Variants in ADGRL3 observed in about 807,000 individuals in gnomAD.
ADGRL3 encodes calcium-independent alpha-latrotoxin receptor 3.
ADGRL3 carries 62 observed loss-of-function variants against 153.5 expected under a neutral mutation model. The ratio of observed to expected loss-of-function variants is 0.40; its 90% CI spans 0.33 to 0.50. The LOEUF (loss-of-function observed/expected upper bound fraction) is 0.50. ADGRL3 is among the 20% of genes least tolerant of loss of function. The pLI is 0.47. For synonymous variants in ADGRL3, 710 were observed against 672.5 expected, an observed-to-expected ratio of 1.06 and a Z score of -0.86; for missense variants, 1,641 against 1,859.4, an observed-to-expected ratio of 0.88 and a Z score of 2.16.
At chr4:61,454,962 G>T (rs555120359) in intron 2 of ADGRL3, among the ~76,000 whole-genome samples, 1 of 152,204 alleles carries the variant, frequency 6.6e-6, no homozygotes, top group Non-Finnish European at 1.5e-5. Context: ...GGTGTTAACA[G>T]ATTAAAGATG....
chr4:62,045,904 A>G (rs913201589), intron 25 of ADGRL3, among the ~76,000 whole-genome samples: 1 of 151,950 alleles, frequency 6.6e-6, no homozygotes, highest in African/African-American at 2.4e-5. Context: ...AATTTAGACA[A>G]TATCTCTCAA....
intron 5 of ADGRL3, among the ~76,000 whole-genome samples, chr4:61,643,117 G>A (rs1222857237): frequency 6.6e-6 from 1 of 152,152 alleles, no homozygotes; most frequent in Non-Finnish European, 1.5e-5. Flanking sequence ...AAGAATGCTT[G>A]TGATTTTTGT....
intron 8 of ADGRL3, among the ~76,000 whole-genome samples, chr4:61,809,932 A>G (rs1054292957): frequency 2.6e-5 from 4 of 152,104 alleles, no homozygotes; most frequent in Non-Finnish European, 5.9e-5. Context: ...TGTTGTTATA[A>G]TCCTCATTAA....
chr4:61,981,464 T>C (rs946234626), intron 18 of ADGRL3, among the ~76,000 whole-genome samples: 14 of 152,000 alleles, frequency 9.2e-5, no homozygotes, highest in African/African-American at 3.4e-4. Flanking sequence ...ATGTCTTTAA[T>C]TGCCAGCCTT....
intron 8 of ADGRL3, among the ~76,000 whole-genome samples, chr4:61,812,954 T>C (rs2097647713): frequency 6.6e-6 from 1 of 152,326 alleles, no homozygotes; most frequent in South Asian, 2.1e-4. Context: ...GAGGTGAATC[T>C]TAAAGGTAAA....
At position 61,719,520 on chromosome 4, in the gene ADGRL3, A is replaced by G. The variant is rs372116898; in HGVS notation, c.584-11102A>G. ...GATTTTTCTTTCAAGTAAGATAAAC[A>G]CTAGCAAACAGTTTTATGTGTACCA... On this transcript the variant is annotated intron_variant, in intron 6 of 26. Coordinates refer to ENST00000683033, the MANE Select transcript of ADGRL3 (RefSeq NM_001387552.1). Among the ~76,000 whole-genome samples the G allele has an allele frequency of 6.6e-5, 10 of 152,172 alleles. No individual in the cohort carries two copies. In the East Asian group the frequency reaches 1.2e-3, roughly 18 times the overall value.
At chr4:61,244,494 CTT>C (rs1164437291) in intron 1 of ADGRL3, among the ~76,000 whole-genome samples, 1 of 151,880 alleles carries the variant, frequency 6.6e-6, no homozygotes, top group Admixed American at 6.6e-5. Flanking sequence ...GATATGTTCT[CTT>C]ATATGACATG....
At position 61,200,820 on chromosome 4, in the gene ADGRL3, G is replaced by T. The variant is rs930154096; in HGVS notation, c.-1185G>T. 4.0e-5 allele frequency among the ~76,000 whole-genome samples: 6 copies of T among 151,730 alleles called. No homozygotes were observed. The highest frequency in any genetic ancestry group is 2.0e-4 in the Admixed American group (3 of 15,280). ...GCGGCGGCGCAGAGCCCGGGGCCGC[G>T]CGATGAAGCTCCCACATGCCCGCAG... On this transcript the variant is annotated 5_prime_UTR_variant, in exon 1 of 27. Coordinates refer to ENST00000683033, the MANE Select transcript of ADGRL3 (RefSeq NM_001387552.1).
intron 8 of ADGRL3, among the ~76,000 whole-genome samples, chr4:61,734,340 G>A (rs1001449660): frequency 6.6e-6 from 1 of 151,900 alleles, no homozygotes; most frequent in Non-Finnish European, 1.5e-5. Context: ...TTCTCACACT[G>A]CTGTAAAGAT....
At chr4:61,751,808 G>A (rs759823280) in intron 8 of ADGRL3, among the ~76,000 whole-genome samples, 1 of 152,096 alleles carries the variant, frequency 6.6e-6, no homozygotes, top group African/African-American at 2.4e-5. Flanking sequence ...ACACTCTCAT[G>A]CTTATATCTA....
chr4:61,370,793 T>C (rs1048100856), intron 1 of ADGRL3, among the ~76,000 whole-genome samples: 2 of 152,100 alleles, frequency 1.3e-5, no homozygotes. Flanking sequence ...CTTGTTAACT[T>C]TCTGTCTCGT....
At chr4:61,422,070 A>C (rs75756352) in intron 2 of ADGRL3, among the ~76,000 whole-genome samples, 2,720 of 152,268 alleles carry the variant, frequency 0.018, 89 homozygotes, top group African/African-American at 0.062. Context: ...TAAAGGATAT[A>C]CTTAAAAAAT....
intron 5 of ADGRL3, among the ~76,000 whole-genome samples, chr4:61,630,981 A>G (rs1206095191): frequency 6.6e-6 from 1 of 152,242 alleles, no homozygotes; most frequent in African/African-American, 2.4e-5. Flanking sequence ...GATTAAATGA[A>G]TAAAGTAATC....
At chr4:61,555,977 T>C (rs903978694) in intron 4 of ADGRL3, among the ~76,000 whole-genome samples, 1 of 152,132 alleles carries the variant, frequency 6.6e-6, no homozygotes, top group Non-Finnish European at 1.5e-5. Context: ...AAGGTCTTTA[T>C]GACCTGTATC....
chr4:61,555,486 C>T (rs4860418), intron 4 of ADGRL3, among the ~76,000 whole-genome samples: 94,280 of 152,004 alleles, frequency 0.62, 31,033 homozygotes, highest in African/African-American at 0.85. Flanking sequence ...AATGAATGCA[C>T]ACTATGCTCT....
rs1560663544 is a variant in ADGRL3 at position 61,456,362 on chromosome 4, G to GATATATCTATATCTATATCTAT, written c.-173-40754_-173-40753insTCTATATCTATATCTATATATA. Reference sequence around the variant, plus strand: ...GATATTTGAAGGAGATATATATAGAGATATAGATATATCTATATATATATA... The same window carrying GATATATCTATATCTATATCTAT: ...GATATTTGAAGGAGATATATATAGAGATATATCTATATCTATATCTATATATAGATATATCTATATATATATA... On this transcript the variant is annotated intron_variant, in intron 2 of 26. Coordinates refer to ENST00000683033, the MANE Select transcript of ADGRL3 (RefSeq NM_001387552.1). Among the ~76,000 whole-genome samples the GATATATCTATATCTATATCTAT allele has an allele frequency of 4.8e-4, 57 of 117,548 alleles. 9 individuals carry two copies. Among genetic ancestry groups the GATATATCTATATCTATATCTAT allele is most frequent in the South Asian group, 2.4e-3 (9 of 3,704 alleles). 77.1% of individuals were successfully genotyped at this position (117,548 alleles called of 152,430 possible).
intron 13 of ADGRL3, among the ~76,000 whole-genome samples, chr4:61,927,788 A>G (rs1048266648): frequency 6.6e-6 from 1 of 152,028 alleles, no homozygotes; most frequent in Non-Finnish European, 1.5e-5. Flanking sequence ...CTTTTGCTTC[A>G]TTTTACTTTA....
chr4:61,912,080 TCAA>T (rs2098724307), intron 12 of ADGRL3, among the ~76,000 whole-genome samples: 1 of 152,152 alleles, frequency 6.6e-6, no homozygotes. Context: ...TGTTTTTTGG[TCAA>T]AACTGTCAAA....
At chr4:61,261,532 G>A (rs756104834) in intron 1 of ADGRL3, among the ~76,000 whole-genome samples, 38 of 152,234 alleles carry the variant, frequency 2.5e-4, no homozygotes, top group Non-Finnish European at 5.1e-4. Flanking sequence ...CACGGATACA[G>A]AGAGCAATTG....
Sources: gnomAD v4.1 joint callset for allele counts (sites outside exome capture counted in the v4.1 genomes callset) on GRCh38, gnomAD v4.1.1 for gene constraint, MANE v1.5 for transcripts, NCBI Gene and HGNC (gene_info 2026-07-23, HGNC 2026-07-21) for gene names.